Variants in LRRC2 observed in about 807,000 individuals in gnomAD.
LRRC2 encodes the protein leucine rich repeat containing 2.
Under a neutral mutation model 40.2 loss-of-function variants are expected in LRRC2, and 27 were observed. The observed-to-expected ratio is 0.67, with a 90% CI of 0.49 to 0.93. The LOEUF is 0.93. Among genes scored for constraint, LRRC2 ranks in the 40% least tolerant of loss-of-function variants. The pLI, the probability that LRRC2 is intolerant of heterozygous loss-of-function variation, is 0.00. For synonymous variants in LRRC2, 147 were observed against 158.9 expected, an observed-to-expected ratio of 0.92 and a Z score of 0.56; for missense variants, 402 against 439.6, an observed-to-expected ratio of 0.91 and a Z score of 0.76.
chr3:46,558,978 A>T (rs1704875962), intron 1 of LRRC2: 2 of 152,252 alleles, frequency 1.3e-5, no homozygotes, highest in Non-Finnish European at 2.9e-5. Flanking sequence ...TCAGATAGGT[A>T]GGAGGAATGT....
chr3:46,519,048 T>C lies in LRRC2; in HGVS notation c.1082A>G (p.Tyr361Cys). Residue 361 changes from tyrosine (Y) to cysteine (C), a missense_variant, in exon 9 of 9, where the codon TAT (tyrosine) becomes TGT (cysteine). Transcript: ENST00000395905. ...DLKERESVPS[Y>C]TTKVSFSLQL ...AAGGCTAAAAGACACTTTGGTGGTATAGCTGGGAACAGATTCTGTAACAGA... is the reference window on the plus strand; with the variant it reads ...AAGGCTAAAAGACACTTTGGTGGTACAGCTGGGAACAGATTCTGTAACAGA... 6.2e-7 allele frequency: 1 copy of C among 1,610,098 alleles called. No homozygotes were observed. Among genetic ancestry groups the C allele is most frequent in the Non-Finnish European group, 8.5e-7 (1 of 1,176,486 alleles).
chr3:46,543,559 C>G (rs974486868), intron 3 of LRRC2, among the ~76,000 whole-genome samples: 1 of 151,532 alleles, frequency 6.6e-6, no homozygotes, highest in African/African-American at 2.4e-5. Flanking sequence ...GAGCTTGCAG[C>G]GAGCTGAGAT....
chr3:46,540,467 G>C (rs561093218), intron 3 of LRRC2, among the ~76,000 whole-genome samples: 1 of 151,218 alleles, frequency 6.6e-6, no homozygotes, highest in Non-Finnish European at 1.5e-5. Flanking sequence ...GAAGGTTGTA[G>C]TGAGCCAAAA....
In LRRC2 at chr3:46,524,598, T is replaced by C. The variant is rs539149254; in HGVS notation, c.929+2828A>G. Among the ~76,000 whole-genome samples, 6 of 152,360 alleles carry C rather than the reference T, an allele frequency of 3.9e-5. No individual in the cohort carries two copies. In the South Asian group the frequency reaches 1.2e-3, roughly 32 times the overall value. ...ATCAATGACTGCTATTCTGTCTACT[T>C]GATGTATCTCATAAAAATGTTGAGA... On this transcript the variant is annotated intron_variant, in intron 7 of 8. Coordinates refer to ENST00000395905, the MANE Select transcript of LRRC2 (RefSeq NM_024512.5).
chr3:46,545,039 G>A lies in LRRC2; in HGVS notation c.333+7C>T, dbSNP rs754455808. ...CACTGCATTGGGCGAGAACTGCCTC[G>A]ACTCACCGTCCAGTGCTCCCCAGAA... On this transcript the variant is annotated splice_region_variant and intron_variant, in intron 3 of 8. Coordinates refer to ENST00000395905, the MANE Select transcript of LRRC2 (RefSeq NM_024512.5). 25 of 1,611,832 alleles carry A rather than the reference G, an allele frequency of 1.6e-5. 1 individual carries two copies. In the Admixed American group the frequency reaches 1.8e-4, roughly 12 times the overall value.
chr3:46,531,136 A>G (rs1704153867), intron 5 of LRRC2, among the ~76,000 whole-genome samples: 1 of 146,884 alleles, frequency 6.8e-6, no homozygotes, highest in Non-Finnish European at 1.5e-5. Context: ...GAGACAATTC[A>G]ACAATTATAG....
rs755815837 is a variant in LRRC2 at position 46,527,453 on chromosome 3, G to A, written c.902C>T (p.Ala301Val). The change falls in exon 7 of 9, where the codon GCC (alanine) becomes GTC (valine). Residue 301 changes from alanine (A) to valine (V), a missense_variant. By Grantham distance (64) the Ala-to-Val change is moderately conservative. Coordinates refer to ENST00000395905, the MANE Select transcript of LRRC2 (RefSeq NM_024512.5). ...SGDHLVELPT[A>V]LCDSSTPLKF... ...TAAAGGTGTGGATGAGTCACAAAGG[G>A]CAGTTGGGAGCTCCACCAAATGGTC... 6.2e-7 allele frequency: 1 copy of A among 1,613,894 alleles called. No individual in the cohort carries two copies. The highest frequency in any genetic ancestry group is 8.5e-7 in the Non-Finnish European group (1 of 1,179,848).
At chr3:46,536,983 C>G (rs1396528834) in intron 4 of LRRC2, among the ~76,000 whole-genome samples, 1 of 152,150 alleles carries the variant, frequency 6.6e-6, no homozygotes, top group Non-Finnish European at 1.5e-5. Context: ...TTTGACAGCT[C>G]CATGCTTAAT....
intron 4 of LRRC2, among the ~76,000 whole-genome samples, 179 bp from the exon 5 acceptor site, chr3:46,533,088 C>T (rs1284618495): frequency 6.6e-6 from 1 of 152,118 alleles, no homozygotes; most frequent in East Asian, 1.9e-4. Context: ...CATCATGACC[C>T]CGAGGTTCTG....
At position 46,530,027 on chromosome 3, in the gene LRRC2, T is replaced by C; in HGVS notation, c.651A>G (p.Thr217=). Residue 217 remains threonine (T), a synonymous_variant, in exon 6 of 9, where the codon ACA becomes ACG. Transcript: ENST00000395905. ...PFELSNLKQV[T]FVDISANKFS... The stretch of plus-strand genomic sequence containing the variant: ...ACTTGTTTGCTGAGATATCTACAAA[T>C]GTAACTTGCTTCAAATTACTTAACT... The C allele has an allele frequency of 2.5e-6, 4 of 1,613,208 alleles. No homozygotes were observed. Among genetic ancestry groups the C allele is most frequent in the Non-Finnish European group, 3.4e-6 (4 of 1,179,242 alleles).
In LRRC2 at chr3:46,527,433, G is replaced by T. The variant is rs987764508; in HGVS notation, c.922C>A (p.Pro308Thr). The change falls in exon 7 of 9, where the codon CCT becomes ACT. Residue 308 changes from proline (P) to threonine (T), a missense_variant. Transcript: ENST00000395905. ...LPTALCDSST[P>T]LKFVSLMDNP... is the part of the protein sequence containing the mutation. ...GATTTCCGGGCTACTCACTTTAAAG[G>T]TGTGGATGAGTCACAAAGGGCAGTT... 6.2e-7 allele frequency: 1 copy of T among 1,613,876 alleles called. No individual in the cohort carries two copies. The highest frequency in any genetic ancestry group is 8.5e-7 in the Non-Finnish European group (1 of 1,179,830).
intron 7 of LRRC2, among the ~76,000 whole-genome samples, chr3:46,525,468 C>G (rs552212085): frequency 1.3e-5 from 2 of 152,114 alleles, no homozygotes; most frequent in South Asian, 4.2e-4. Context: ...CCACACCGAT[C>G]TCGAACTCCT....
At chr3:46,555,978 T>C (rs975257198) in intron 1 of LRRC2, among the ~76,000 whole-genome samples, 14 of 152,256 alleles carry the variant, frequency 9.2e-5, no homozygotes, top group African/African-American at 3.1e-4. Context: ...AGCAATCTTT[T>C]CTTTTTTATT....
chr3:46,553,715 G>A (rs1051316431), intron 1 of LRRC2, among the ~76,000 whole-genome samples: 17 of 152,166 alleles, frequency 1.1e-4, no homozygotes, highest in African/African-American at 2.6e-4. Flanking sequence ...CTTGAACTCC[G>A]GGGCTCAGGT....
In LRRC2 at chr3:46,532,604, C is replaced by CA. The variant is rs72236846; in HGVS notation, c.627+168dup. Among the ~76,000 whole-genome samples the CA allele has an allele frequency of 2.5e-4, 37 of 150,392 alleles. 1 individual carries two copies. In the East Asian group the frequency reaches 6.6e-3, roughly 27 times the overall value. On this transcript the variant is annotated intron_variant, in intron 5 of 8. Coordinates refer to ENST00000395905, the MANE Select transcript of LRRC2 (RefSeq NM_024512.5). The stretch of plus-strand genomic sequence containing the variant: ...TGGGTGACAGAGCAAGACTCCACCT[C>CA]AAAAAAAAAGAAGTTTTTAAAGACC...
intron 8 of LRRC2, 53 bp downstream of exon 8, chr3:46,521,469 T>C (rs572221854): frequency 1.1e-4 from 149 of 1,370,360 alleles, no homozygotes; most frequent in Non-Finnish European, 1.4e-4. Context: ...ATGTATTACA[T>C]AAGTGGACGT....
chr3:46,533,783 CTTTCTTTCTTTCTTTG>C (rs1704208640), intron 4 of LRRC2, among the ~76,000 whole-genome samples: 1 of 135,736 alleles, frequency 7.4e-6, no homozygotes, highest in Non-Finnish European at 1.6e-5. Flanking sequence ...TCTTTTCTTT[CTTTCTTTCTTTCTTTG>C]TTTCTTTCTT....
intron 8 of LRRC2, among the ~76,000 whole-genome samples, chr3:46,521,163 G>T (rs185535806): frequency 1.3e-4 from 20 of 152,174 alleles, no homozygotes; most frequent in Admixed American, 4.6e-4. Context: ...GAATGTAAAC[G>T]GATTTTGAAA....
intron 7 of LRRC2, among the ~76,000 whole-genome samples, chr3:46,526,656 T>G (rs1575345425): frequency 6.6e-6 from 1 of 152,236 alleles, no homozygotes. Context: ...GAAGACAAGA[T>G]TGAACTCTGC....
Sources: gnomAD v4.1 joint callset for allele counts (sites outside exome capture counted in the v4.1 genomes callset) on GRCh38, gnomAD v4.1.1 for gene constraint, MANE v1.5 for transcripts, NCBI Gene and HGNC (gene_info 2026-07-23, HGNC 2026-07-21) for gene names.